Variants in RAD51D observed in about 807,000 individuals in gnomAD.
The protein encoded by RAD51D is DNA repair protein RAD51 homolog 4.
Under a neutral mutation model 44.1 loss-of-function variants are expected in RAD51D, and 38 were observed. The ratio of observed to expected loss-of-function variants is 0.86; its 90% CI spans 0.67 to 1.13. The LOEUF (loss-of-function observed/expected upper bound fraction) is 1.13, where lower values mean the gene tolerates loss of function less well. Among genes scored for constraint, RAD51D ranks in the 50% most tolerant of loss-of-function variants. The pLI, the probability that RAD51D is intolerant of heterozygous loss-of-function variation, is 0.00. For missense variants in RAD51D, 390 were observed against 414.0 expected, an observed-to-expected ratio of 0.94 and a Z score of 0.50; for synonymous variants, 141 against 166.6, an observed-to-expected ratio of 0.85 and a Z score of 1.18.
Position 35,119,714 on chromosome 17 carries a change from G to A in RAD51D, c.-101C>T. 8.3e-7 allele frequency: 1 copy of A among 1,212,066 alleles called. No homozygotes were observed. The highest frequency in any genetic ancestry group is 1.2e-6 in the Non-Finnish European group (1 of 833,210). The allele number at this position is 1,212,066 out of a possible 1,614,324, so 75.1% of individuals were successfully genotyped here. ...CCCTCCCCTACCCCTTCCTAGAGAGGACACAGGCGCGCTGGCTGCCGGAGG... is the reference window on the plus strand; with the variant it reads ...CCCTCCCCTACCCCTTCCTAGAGAGAACACAGGCGCGCTGGCTGCCGGAGG... On this transcript the variant is annotated 5_prime_UTR_variant, in exon 1 of 10. Coordinates refer to ENST00000345365, the MANE Select transcript of RAD51D (RefSeq NM_002878.4).
Position 35,096,086 on chromosome 17 carries a change from A to C in RAD51D, c.*4867T>G, listed in dbSNP as rs1213604396. On this transcript the variant is annotated 3_prime_UTR_variant, in exon 10 of 10. Coordinates refer to ENST00000345365, the MANE Select transcript of RAD51D (RefSeq NM_002878.4). ...ATGTTGCAGCTCTGGAATTCTCTGA[A>C]CCTGTCCTGGTTCTGAGGGCAGCCC... is the stretch of plus-strand genomic sequence containing the variant. The C allele has an allele frequency of 6.6e-6, 1 of 152,194 alleles. No homozygotes were observed. The highest frequency in any genetic ancestry group is 2.1e-4 in the South Asian group (1 of 4,830). The allele number at this position is 152,194 out of a possible 1,614,324, so 9.4% of individuals were successfully genotyped here. A position where few individuals can be genotyped will look rare whatever the true frequency, so the allele number is the denominator to read the frequency against.
intron 3 of RAD51D, among the ~76,000 whole-genome samples, chr17:35,111,095 C>CCATCTCA (rs2091669678): frequency 6.7e-6 from 1 of 149,796 alleles, no homozygotes; most frequent in Non-Finnish European, 1.5e-5. Flanking sequence ...GAGAGAAACT[C>CCATCTCA]AGGCCAGGCG....
At position 35,103,181 on chromosome 17, in the gene RAD51D, G is replaced by C. The variant is rs2142417225; in HGVS notation, c.738+73C>G. The C allele has an allele frequency of 6.8e-7, 1 of 1,462,614 alleles. No homozygotes were observed. The highest frequency in any genetic ancestry group is 9.4e-7 in the Non-Finnish European group (1 of 1,066,608). The allele number at this position is 1,462,614 out of a possible 1,614,324, so 90.6% of individuals were successfully genotyped here. A position where few individuals can be genotyped will look rare whatever the true frequency, so the allele number is the denominator to read the frequency against. On this transcript the variant is annotated intron_variant, in intron 8 of 9. Transcript: ENST00000345365. This position sits in a 1 kb window ranked among gnomAD's most constrained non-coding sequence, Gnocchi z 4.1. ...TAAAGGGCCACTTTGGGGTTCAGAAGCTGACATTTAAGGGAAATAAAGAGC... is the reference window on the plus strand; with the variant it reads ...TAAAGGGCCACTTTGGGGTTCAGAACCTGACATTTAAGGGAAATAAAGAGC...
rs1235042092 is a variant in RAD51D at position 35,101,368 on chromosome 17, G to A, written c.739-3C>T. The A allele has an allele frequency of 5.0e-6, 8 of 1,613,202 alleles. No homozygotes were observed. Among genetic ancestry groups the A allele is most frequent in the East Asian group, 2.2e-5 (1 of 44,900 alleles). The stretch of plus-strand genomic sequence containing the variant: ...TCTCGAGTTATGTGGTTGGTCACCT[G>A]CAGCAGAAACAGACTTACAGATCCA... On this transcript the variant is annotated splice_polypyrimidine_tract_variant and splice_region_variant and intron_variant, in intron 8 of 9. Transcript: ENST00000345365.
intron 3 of RAD51D, among the ~76,000 whole-genome samples, chr17:35,116,007 AAG>A (rs1038780391): frequency 2.0e-5 from 3 of 151,288 alleles, no homozygotes; most frequent in Admixed American, 2.0e-4. Flanking sequence ...GAAAGAAAGA[AAG>A]AAAGGCTAGA....
chr17:35,106,900 A>T (rs2142431125), intron 5 of RAD51D, 88 bp downstream of exon 5: 1 of 1,593,840 alleles, frequency 6.3e-7, no homozygotes, highest in Non-Finnish European at 8.6e-7. Context: ...GCAAGGAATG[A>T]CTATTCAACC....
At chr17:35,107,488 A>T (rs374986832) in intron 3 of RAD51D, 41 bp from the exon 4 acceptor site, 10 of 1,442,186 alleles carry the variant, frequency 6.9e-6, no homozygotes, top group Non-Finnish European at 9.8e-6. Context: ...AGAGGTTAGG[A>T]GGAAGACAGG....
chr17:35,100,690 A>C lies in RAD51D; in HGVS notation c.*263T>G. ...CCCAGCCAGGGTGAACTTGGTTTCC[A>C]CCAGAAACATACACGTTAGAAATAA... On this transcript the variant is annotated 3_prime_UTR_variant, in exon 10 of 10. Transcript: ENST00000345365. 1 of 607,016 alleles carries C rather than the reference A, an allele frequency of 1.6e-6. No homozygotes were observed. Among genetic ancestry groups the C allele is most frequent in the South Asian group, 1.6e-5 (1 of 60,854 alleles). The allele number at this position is 607,016 out of a possible 1,614,324, so 37.6% of individuals were successfully genotyped here. A position where few individuals can be genotyped will look rare whatever the true frequency, so the allele number is the denominator to read the frequency against.
intron 6 of RAD51D, among the ~76,000 whole-genome samples, chr17:35,105,735 G>T (rs3785754): frequency 0.31 from 47,213 of 151,980 alleles, 8,073 homozygotes; most frequent in East Asian, 0.48. Context: ...GCAGAAATCT[G>T]ACTTCAGGGA....
intron 3 of RAD51D, among the ~76,000 whole-genome samples, chr17:35,116,002 A>AAAGAAAGAAAGAAAGG (rs1491449510): frequency 1.6e-4 from 24 of 150,980 alleles, no homozygotes; most frequent in African/African-American, 5.1e-4. Context: ...AGAAAGAAAG[A>AAAGAAAGAAAGAAAGG]AAGAAAGAAA....
rs578085201 is a variant in RAD51D, at chr17:35,114,871, A to G, written c.263+3630T>C. Among the ~76,000 whole-genome samples the G allele has an allele frequency of 2.0e-5, 3 of 152,288 alleles. No individual in the cohort carries two copies. In the East Asian group the frequency reaches 5.8e-4, roughly 29 times the overall value. ...AGACTAATTAAATTAGAATATATAG[A>G]GTTGGGACCAGAGCATGAATATCTC... On this transcript the variant is annotated intron_variant, in intron 3 of 9. Transcript: ENST00000345365.
At chr17:35,104,624 T>C (rs2091577566) in intron 6 of RAD51D, among the ~76,000 whole-genome samples, 1 of 152,188 alleles carries the variant, frequency 6.6e-6, no homozygotes, top group Non-Finnish European at 1.5e-5. Flanking sequence ...CCTCAAGTGA[T>C]CTGGCCACTT....
rs1597853729 is a variant in RAD51D at position 35,099,697 on chromosome 17, C to T, written c.*1256G>A. The T allele has an allele frequency of 1.8e-5, 7 of 386,480 alleles. No individual in the cohort carries two copies. The highest frequency in any genetic ancestry group is 1.5e-4 in the South Asian group (7 of 47,578). The allele number at this position is 386,480 out of a possible 1,614,324, so 23.9% of individuals were successfully genotyped here. A position where few individuals can be genotyped will look rare whatever the true frequency, so the allele number is the denominator to read the frequency against. On this transcript the variant is annotated 3_prime_UTR_variant, in exon 10 of 10. Coordinates refer to ENST00000345365, the MANE Select transcript of RAD51D (RefSeq NM_002878.4). ...GTGTAACTCGGACCCTCCTTTCCTG[C>T]AGCCAAGACATAACTGATTAATTAC... is the stretch of plus-strand genomic sequence containing the variant.
chr17:35,115,982 A>AAAGAAAGAAAGAAAGAAAGG (rs2091738838), intron 3 of RAD51D, among the ~76,000 whole-genome samples: 1 of 151,110 alleles, frequency 6.6e-6, no homozygotes. Flanking sequence ...AGAAAGAAAG[A>AAAGAAAGAAAGAAAGAAAGG]AAGAAAGAAA....
Position 35,092,704 on chromosome 17 carries a change from A to C in RAD51D, c.*8249T>G, listed in dbSNP as rs1597851211. On this transcript the variant is annotated 3_prime_UTR_variant, in exon 10 of 10. Transcript: ENST00000345365. ...GGATCTAATAGCTTCTGTAAAATAT[A>C]AAGTGTTTTTTGTTTTGTTTTGTTT... 1 of 152,198 alleles carries C rather than the reference A, an allele frequency of 6.6e-6. No homozygotes were observed. The highest frequency in any genetic ancestry group is 1.5e-5 in the Non-Finnish European group (1 of 68,044). 9.4% of individuals were successfully genotyped at this position (152,198 alleles called of 1,614,324 possible). A position where few individuals can be genotyped will look rare whatever the true frequency, so the allele number is the denominator to read the frequency against.
intron 8 of RAD51D, 113 bp from the exon 9 acceptor site, chr17:35,101,478 C>A: frequency 1.6e-6 from 2 of 1,212,638 alleles, no homozygotes; most frequent in East Asian, 2.4e-5. Context: ...AATAACTTCC[C>A]CAAGGTTACA....
intron 3 of RAD51D, chr17:35,116,953 TC>T: frequency 6.2e-7 from 1 of 1,613,774 alleles, no homozygotes; most frequent in Non-Finnish European, 8.5e-7. Flanking sequence ...TTCAGAGCAT[TC>T]CTGACCCCAC....
At position 35,107,453 on chromosome 17, in the gene RAD51D, G is replaced by A. The variant is rs1567728794; in HGVS notation, c.264-6C>T. On this transcript the variant is annotated splice_polypyrimidine_tract_variant and splice_region_variant and intron_variant, in intron 3 of 9. Transcript: ENST00000345365. Reference sequence around the variant, plus strand: ...CATCAAGCAGTTTATCAAGACTGATGGCAGAAGAGAAGAAAATCAACACAA... The same window carrying A: ...CATCAAGCAGTTTATCAAGACTGATAGCAGAAGAGAAGAAAATCAACACAA... 2.6e-6 allele frequency: 4 copies of A among 1,533,086 alleles called. No individual in the cohort carries two copies. The highest frequency in any genetic ancestry group is 3.6e-6 in the Non-Finnish European group (4 of 1,106,414). The allele number at this position is 1,533,086 out of a possible 1,614,324, so 95.0% of individuals were successfully genotyped here.
chr17:35,115,943 GAA>G (rs373256639), intron 3 of RAD51D, among the ~76,000 whole-genome samples: 7 of 103,826 alleles, frequency 6.7e-5, no homozygotes, highest in Admixed American at 1.1e-4. Flanking sequence ...AAGGAAGAAA[GAA>G]AAGGAAGAAA....
Sources: allele counts gnomAD v4.1 joint callset (sites outside exome capture counted in the v4.1 genomes callset), GRCh38; gene constraint gnomAD v4.1.1; non-coding constraint Gnocchi (gnomAD v3.1); transcripts MANE v1.5; gene names NCBI Gene and HGNC (gene_info 2026-07-23, HGNC 2026-07-21).